Variants in BICRA observed in about 807,000 individuals in gnomAD.
The protein encoded by BICRA is BRD4-interacting chromatin-remodeling complex-associated protein.
BICRA carries 31 observed loss-of-function variants against 96.9 expected under a neutral mutation model. The observed-to-expected ratio is 0.32, with a 90% CI of 0.24 to 0.43. BICRA has a LOEUF of 0.43. BICRA is among the 20% of genes least tolerant of loss of function. The pLI is 1.00. For synonymous variants in BICRA, 1,350 were observed against 1,071.8 expected (o/e 1.26, Z -5.07); for missense variants, 2,283 against 2,190.3 (o/e 1.04, Z -0.84).
chr19:47,611,293 G>A (rs969336404), intron 1 of BICRA, among the ~76,000 whole-genome samples: 15 of 152,142 alleles, frequency 9.9e-5, no homozygotes, highest in South Asian at 8.3e-4. Context: ...CTGGGAGCTG[G>A]TTTTGAGAAG....
chr19:47,624,182 CCT>C (rs930397322), intron 1 of BICRA, among the ~76,000 whole-genome samples: 3 of 152,088 alleles, frequency 2.0e-5, no homozygotes, highest in Non-Finnish European at 4.4e-5. Flanking sequence ...TCAGGTAAAA[CCT>C]CTTCAGCTCC....
chr19:47,702,172 C>A lies in BICRA; in HGVS notation c.4440C>A (p.Pro1480=). 6.3e-7 allele frequency: 1 copy of A among 1,577,934 alleles called. No homozygotes were observed. Among genetic ancestry groups the A allele is most frequent in the East Asian group, 2.3e-5 (1 of 42,714 alleles). Residue 1480 remains proline, a synonymous_variant, in exon 15 of 15, where the codon CCC becomes CCA. Coordinates refer to ENST00000594866, the MANE Select transcript of BICRA (RefSeq NM_001394372.1). ...PPAKRRKSES[P]DVDQASFSSD... is the part of the protein sequence containing the mutation. Reference sequence around the variant, plus strand: ...CCAAGCGGCGCAAGTCCGAGTCGCCCGACGTGGACCAGGCCAGCTTCTCCA... The same window carrying A: ...CCAAGCGGCGCAAGTCCGAGTCGCCAGACGTGGACCAGGCCAGCTTCTCCA...
chr19:47,699,389 G>T lies in BICRA; in HGVS notation c.3579G>T (p.Leu1193=). 1.9e-6 allele frequency: 3 copies of T among 1,559,002 alleles called. No individual in the cohort carries two copies. The highest frequency in any genetic ancestry group is 2.6e-6 in the Non-Finnish European group (3 of 1,149,972). The stretch of plus-strand genomic sequence containing the variant: ...CCACCCTTGCCTTGGATAAACAGCT[G>T]GCCAAGGAGAAGCCGGGTGAGAGGG... ...EKTTLALDKQ[L]AKEKPDEYVS... The change falls in exon 14 of 15, where the codon CTG becomes CTT. Residue 1193 remains leucine (L), a synonymous_variant. Transcript: ENST00000594866. This position sits in a 1 kb window ranked among gnomAD's most constrained non-coding sequence, Gnocchi z 5.0.
At chr19:47,681,350 C>G (rs974447854) in intron 6 of BICRA, 74 bp downstream of exon 6, 8 of 1,333,762 alleles carry the variant, frequency 6.0e-6, no homozygotes, top group Non-Finnish European at 7.2e-6. Flanking sequence ...TGGGGCGAGG[C>G]GCCAAGATCC....
chr19:47,670,083 C>G (rs997178692), intron 1 of BICRA, among the ~76,000 whole-genome samples: 2 of 152,260 alleles, frequency 1.3e-5, no homozygotes, highest in East Asian at 3.9e-4. Flanking sequence ...TCTCAAGTAA[C>G]TGGAACTACA....
Position 47,699,889 on chromosome 19 carries a change from CCT to C in BICRA, c.3595+485_3595+486del, listed in dbSNP as rs960938606. On this transcript the variant is annotated intron_variant, in intron 14 of 14. Transcript: ENST00000594866. This position sits in a 1 kb window ranked among gnomAD's most constrained non-coding sequence, Gnocchi z 5.0. Reference sequence around the variant, plus strand: ...CAGAGTTTCCAGAATATTCCCTTAGCCTTTGCCCACATTCCAACTCCAGGGCT... The same window carrying C: ...CAGAGTTTCCAGAATATTCCCTTAGCTTGCCCACATTCCAACTCCAGGGCT... 7.0e-4 allele frequency: 112 copies of C among 159,782 alleles called. 1 individual carries two copies. Among genetic ancestry groups the C allele is most frequent in the African/African-American group, 2.6e-3 (109 of 41,698 alleles). The allele number at this position is 159,782 out of a possible 1,614,324, so 9.9% of individuals were successfully genotyped here.
At chr19:47,697,447 C>T (rs1973364781) in intron 11 of BICRA, among the ~76,000 whole-genome samples, 1 of 151,640 alleles carries the variant, frequency 6.6e-6, no homozygotes. Context: ...CAAGGTCTTA[C>T]TATGTTGCCC....
chr19:47,654,513 G>A (rs974797410), intron 1 of BICRA, among the ~76,000 whole-genome samples: 7 of 151,720 alleles, frequency 4.6e-5, no homozygotes, highest in Non-Finnish European at 8.8e-5. Flanking sequence ...ACGGAGTCTC[G>A]TTCTGTCACC....
chr19:47,616,175 A>G (rs961176671), intron 1 of BICRA, among the ~76,000 whole-genome samples: 3 of 152,228 alleles, frequency 2.0e-5, no homozygotes, highest in African/African-American at 4.8e-5. Context: ...CACCTCAGGC[A>G]TGCTTAGTGT....
At chr19:47,694,806 T>C in intron 8 of BICRA, 80 bp downstream of exon 8, 1 of 1,151,232 alleles carries the variant, frequency 8.7e-7, no homozygotes. Flanking sequence ...CCCTCCGCCT[T>C]ACGGCTCTGT....
intron 1 of BICRA, among the ~76,000 whole-genome samples, 176 bp downstream of exon 1, chr19:47,609,344 C>T (rs1178853496): frequency 6.8e-6 from 1 of 147,526 alleles, no homozygotes; most frequent in Non-Finnish European, 1.5e-5. Context: ...TCACACTCAG[C>T]CCCCCAGCCG....
At chr19:47,666,032 C>T (rs1972773660) in intron 1 of BICRA, among the ~76,000 whole-genome samples, 1 of 152,372 alleles carries the variant, frequency 6.6e-6, no homozygotes, top group Admixed American at 6.5e-5. Context: ...AACTAGCGTA[C>T]ACACTGCTTA....
At chr19:47,661,213 C>CAAAAAAAAAAAAAA (rs58327756) in intron 1 of BICRA, among the ~76,000 whole-genome samples, 16 of 76,458 alleles carry the variant, frequency 2.1e-4, no homozygotes, top group African/African-American at 5.9e-4. Context: ...GACTCCGTCT[C>CAAAAAAAAAAAAAA]AAAAAAAAAA....
At chr19:47,678,800 C>T (rs560765753) in intron 5 of BICRA, among the ~76,000 whole-genome samples, 1 of 151,986 alleles carries the variant, frequency 6.6e-6, no homozygotes, top group Non-Finnish European at 1.5e-5. Context: ...CAAGCACGCC[C>T]TAGGTTACAC....
intron 7 of BICRA, among the ~76,000 whole-genome samples, chr19:47,686,551 T>G (rs1973162202): frequency 6.6e-6 from 1 of 152,004 alleles, no homozygotes; most frequent in East Asian, 1.9e-4. Context: ...GCCAAGCTGA[T>G]TTTTGTATTT....
At chr19:47,615,130 C>T (rs1422906129) in intron 1 of BICRA, among the ~76,000 whole-genome samples, 6 of 152,144 alleles carry the variant, frequency 3.9e-5, no homozygotes, top group Admixed American at 3.9e-4. Flanking sequence ...ACTACAGGTG[C>T]ACGCCACCAC....
chr19:47,674,595 C>A (rs1368559122), intron 4 of BICRA, among the ~76,000 whole-genome samples: 5 of 152,146 alleles, frequency 3.3e-5, no homozygotes, highest in African/African-American at 1.2e-4. Context: ...GGTTCAGGCT[C>A]AGGGACTCTC....
rs376583643 is a variant in BICRA, at chr19:47,649,429, C to T, written c.-107-21014C>T. On this transcript the variant is annotated intron_variant, in intron 1 of 14. Coordinates refer to ENST00000594866, the MANE Select transcript of BICRA (RefSeq NM_001394372.1). ...ACACAATCAGAAATTCAAACAGGAA[C>T]GTATTGACAAGCAAAGGAATGTTAC... Among the ~76,000 whole-genome samples the T allele has an allele frequency of 2.7e-4, 41 of 152,266 alleles. No homozygotes were observed. The South Asian group carries it at 7.3e-3, about 27-fold the overall frequency.
chr19:47,682,028 C>A lies in BICRA; in HGVS notation c.2159C>A (p.Ala720Asp). ...SAEGPHLSVPASVIVSAPPPA... is the reference protein window; with the variant it reads ...SAEGPHLSVPDSVIVSAPPPA... ...GAGGGCCCCCACCTCTCCGTGCCTG[C>A]CTCGGTCATAGTCAGCGCCCCGCCT... Residue 720 changes from alanine to aspartate, a missense_variant, in exon 7 of 15, where the codon GCC becomes GAC. Transcript: ENST00000594866. 1 of 1,569,660 alleles carries A rather than the reference C, an allele frequency of 6.4e-7. No homozygotes were observed. The highest frequency in any genetic ancestry group is 8.6e-7 in the Non-Finnish European group (1 of 1,160,444).
Sources: gnomAD v4.1 joint callset for allele counts (sites outside exome capture counted in the v4.1 genomes callset) on GRCh38, gnomAD v4.1.1 for gene constraint, Gnocchi (gnomAD v3.1) non-coding constraint, MANE v1.5 for transcripts, NCBI Gene and HGNC (gene_info 2026-07-23, HGNC 2026-07-21) for gene names.